The following WWOX variants were observed in gnomAD, a reference collection of about 807,000 sequenced individuals.
WWOX encodes WW domain-containing oxidoreductase.
WWOX carries 69 observed loss-of-function variants against 46.2 expected under a neutral mutation model. The ratio of observed to expected loss-of-function variants is 1.49; its 90% CI spans 1.23 to 1.82. The LOEUF (loss-of-function observed/expected upper bound fraction) is 1.82, where lower values mean the gene tolerates loss of function less well. Among genes scored for constraint, WWOX ranks in the 40% most tolerant of loss-of-function variants. The probability of loss-of-function intolerance (pLI) is 0.00; values close to 1 mark genes in which losing one functional copy is unlikely to be tolerated. For missense variants in WWOX, 919 were observed against 542.6 expected, an observed-to-expected ratio of 1.69 and a Z score of -6.89; for synonymous variants, 359 against 202.6, an observed-to-expected ratio of 1.77 and a Z score of -6.56.
intron 5 of WWOX, among the ~76,000 whole-genome samples, chr16:78,383,337 A>G (rs192624386): frequency 4.7e-4 from 71 of 152,238 alleles, no homozygotes; most frequent in African/African-American, 1.6e-3. Flanking sequence ...TGATGGGTAT[A>G]GGGTGTTCTC....
In WWOX at chr16:79,025,924, G is replaced by A. The variant is rs113944786; in HGVS notation, c.1057-185684G>A. On this transcript the variant is annotated intron_variant, in intron 8 of 8. Coordinates refer to ENST00000566780, the MANE Select transcript of WWOX (RefSeq NM_016373.4). ...AGTGATTCTCCTGCCTCACCCTCCC[G>A]AGTAGCTGGGATAATAGGTGCCTAT... Among the ~76,000 whole-genome samples, 56 of 147,016 alleles carry A rather than the reference G, an allele frequency of 3.8e-4. 2 individuals are homozygous for A. Among genetic ancestry groups the A allele is most frequent in the African/African-American group, 1.2e-3 (47 of 37,856 alleles).
At chr16:78,903,904 G>A (rs138981616) in intron 8 of WWOX, among the ~76,000 whole-genome samples, 1 of 152,156 alleles carries the variant, frequency 6.6e-6, no homozygotes, top group Non-Finnish European at 1.5e-5. Context: ...ACAGAGGTGG[G>A]TCTGAAGGTA....
chr16:78,645,827 T>G (rs2046826619), intron 8 of WWOX, among the ~76,000 whole-genome samples: 1 of 151,924 alleles, frequency 6.6e-6, no homozygotes, highest in Non-Finnish European at 1.5e-5. Flanking sequence ...AAAATCAAGG[T>G]GTTGGCAGGG....
intron 8 of WWOX, among the ~76,000 whole-genome samples, chr16:78,788,738 T>G (rs1008967977): frequency 1.3e-5 from 2 of 152,048 alleles, no homozygotes; most frequent in African/African-American, 4.8e-5. Context: ...AAAGAGGGGG[T>G]TATGGGAACT....
intron 5 of WWOX, among the ~76,000 whole-genome samples, chr16:78,371,850 G>A (rs1001604513): frequency 1.3e-5 from 2 of 151,862 alleles, no homozygotes; most frequent in Admixed American, 6.6e-5. Flanking sequence ...TTAATCATGT[G>A]TGTTAGGTAG....
chr16:78,315,091 C>G (rs911930226), intron 5 of WWOX, among the ~76,000 whole-genome samples: 2 of 152,130 alleles, frequency 1.3e-5, no homozygotes, highest in Non-Finnish European at 2.9e-5. Flanking sequence ...ATCGATTTCT[C>G]TTTTTTGGCT....
At chr16:78,551,112 A>C (rs997737266) in intron 8 of WWOX, 5 of 152,240 alleles carry the variant, frequency 3.3e-5, no homozygotes, top group African/African-American at 1.2e-4. Context: ...TATCGTGAAT[A>C]TATTCCATGA....
At chr16:78,785,013 G>C (rs1301858182) in intron 8 of WWOX, among the ~76,000 whole-genome samples, 1 of 152,124 alleles carries the variant, frequency 6.6e-6, no homozygotes. Context: ...GCTCGTAGGT[G>C]GTACTTGTGG....
At chr16:78,353,518 G>A (rs1400605439) in intron 5 of WWOX, among the ~76,000 whole-genome samples, 2 of 152,194 alleles carry the variant, frequency 1.3e-5, no homozygotes, top group Non-Finnish European at 2.9e-5. Context: ...CCTCTAGCCA[G>A]TTGGGACAGG....
chr16:78,147,091 A>G (rs1431310087), intron 4 of WWOX, among the ~76,000 whole-genome samples: 5 of 152,238 alleles, frequency 3.3e-5, no homozygotes, highest in Admixed American at 3.3e-4. Flanking sequence ...AAAACTTTAA[A>G]AAGTAATTAT....
intron 5 of WWOX, among the ~76,000 whole-genome samples, chr16:78,258,981 G>C (rs191474554): frequency 7.2e-5 from 11 of 152,172 alleles, no homozygotes; most frequent in Non-Finnish European, 1.6e-4. Flanking sequence ...TGGAAACAGA[G>C]AACTTCTCAT....
chr16:78,844,005 C>G (rs2052231722), intron 8 of WWOX, among the ~76,000 whole-genome samples: 2 of 152,096 alleles, frequency 1.3e-5, no homozygotes, highest in Non-Finnish European at 2.9e-5. Flanking sequence ...TCAACATGCT[C>G]TGAGAATAGC....
At chr16:79,139,754 AG>A (rs1272614176) in intron 8 of WWOX, among the ~76,000 whole-genome samples, 3 of 152,320 alleles carry the variant, frequency 2.0e-5, no homozygotes, top group African/African-American at 7.2e-5. Context: ...TCATGGGCAG[AG>A]GGGCAGTCCA....
intron 4 of WWOX, among the ~76,000 whole-genome samples, chr16:78,152,461 A>G (rs937083039): frequency 5.3e-5 from 8 of 152,132 alleles, no homozygotes; most frequent in African/African-American, 1.9e-4. Context: ...TTTGATAGCT[A>G]TGTCCCAACT....
At chr16:78,630,649 A>G (rs2151658266) in intron 8 of WWOX, among the ~76,000 whole-genome samples, 1 of 152,286 alleles carries the variant, frequency 6.6e-6, no homozygotes, top group South Asian at 2.1e-4. Flanking sequence ...CGCCTCATTC[A>G]CCATTTCCCT....
chr16:78,931,449 A>G (rs2045622442), intron 8 of WWOX, among the ~76,000 whole-genome samples: 1 of 152,214 alleles, frequency 6.6e-6, no homozygotes, highest in South Asian at 2.1e-4. Flanking sequence ...TGGAAATGAA[A>G]TATACAACTC....
intron 8 of WWOX, among the ~76,000 whole-genome samples, chr16:78,797,669 A>G (rs1382416524): frequency 3.9e-5 from 6 of 152,166 alleles, no homozygotes; most frequent in Admixed American, 3.9e-4. Context: ...GTAGCAAACA[A>G]TATCCCAGAA....
chr16:78,667,665 C>A lies in WWOX; in HGVS notation c.1056+234913C>A, dbSNP rs1319115393. 7.6e-5 allele frequency among the ~76,000 whole-genome samples: 9 copies of A among 118,650 alleles called. No homozygotes were observed. In the East Asian group the frequency reaches 2.1e-3, roughly 27 times the overall value. 77.8% of individuals were successfully genotyped at this position (118,650 alleles called of 152,430 possible). On this transcript the variant is annotated intron_variant, in intron 8 of 8. Coordinates refer to ENST00000566780, the MANE Select transcript of WWOX (RefSeq NM_016373.4). The stretch of plus-strand genomic sequence containing the variant: ...CAGCCTGGGCGACAGAGTGAGACTC[C>A]GTCTCAAAAAAAAAAAAAAAAAAAA...
chr16:78,780,308 A>G (rs1470103056), intron 8 of WWOX: 3 of 152,220 alleles, frequency 2.0e-5, no homozygotes, highest in African/African-American at 7.2e-5. Flanking sequence ...GCTTAAGGGT[A>G]CATTCACTCA....
Sources: allele counts gnomAD v4.1 joint callset (sites outside exome capture counted in the v4.1 genomes callset), GRCh38; gene constraint gnomAD v4.1.1; transcripts MANE v1.5; gene names NCBI Gene and HGNC (gene_info 2026-07-23, HGNC 2026-07-21).